The following GPR50 variants were observed in gnomAD, a reference collection of about 807,000 sequenced individuals.
GPR50 encodes melatonin-related receptor.
In GPR50, 1 loss-of-function variant was observed where a neutral mutation model predicts 2.6. That is an observed-to-expected ratio of 0.38 (90% CI 0.13 to 1.79). The LOEUF (loss-of-function observed/expected upper bound fraction) is 1.79. Ranked by LOEUF, GPR50 falls within the 40% of genes most tolerant of loss-of-function variation. The probability of loss-of-function intolerance (pLI) is 0.33; values close to 1 mark genes in which losing one functional copy is unlikely to be tolerated. For missense variants in GPR50, 535 were observed against 522.1 expected (o/e 1.02, Z -0.24); for synonymous variants, 233 against 202.3 (o/e 1.15, Z -1.29).
chrX:151,178,389 C>T (rs1046172521), intron 1 of GPR50, among the ~76,000 whole-genome samples: 5 of 112,940 alleles, frequency 4.4e-5, no homozygotes, highest in African/African-American at 1.6e-4. Context: ...GGTGCGGTCC[C>T]GAGGTGCAAA....
In GPR50 at chrX:151,180,856, TCCAAGCCTGCCTCTGGTCACC is replaced by T. The variant is rs745726180; in HGVS notation, c.1279_1299del (p.Pro427_Lys433del). Reference sequence around the variant, plus strand: ...TCACCTCAAGCCTGTCTCTGGCCACTCCAAGCCTGCCTCTGGTCACCCCAAGTCTGCCACTGTCTACCCTAA... The same window carrying T: ...TCACCTCAAGCCTGTCTCTGGCCACTCCAAGTCTGCCACTGTCTACCCTAA... On this transcript the variant is annotated inframe_deletion, in exon 2 of 2. Transcript: ENST00000218316. The T allele has an allele frequency of 3.0e-4, 359 of 1,208,308 alleles. 2 individuals carry two copies. The East Asian group carries it at 0.01, about 34-fold the overall frequency.
rs1436244848 is a variant in GPR50 at position 151,176,686 on chromosome X, G to A, written c.-36G>A. 9.5e-7 allele frequency: 1 copy of A among 1,053,525 alleles called. No individual in the cohort carries two copies. The allele number at this position is 1,053,525 out of a possible 1,213,427, so 86.8% of individuals were successfully genotyped here. On this transcript the variant is annotated 5_prime_UTR_variant, in exon 1 of 2. Coordinates refer to ENST00000218316, the MANE Select transcript of GPR50 (RefSeq NM_004224.3). ...GTCTGGACCTGGCTGCTGATCCTGA[G>A]CCTGCTGGGAGATCTTAACGATCCC... is the stretch of plus-strand genomic sequence containing the variant.
In GPR50 at chrX:151,179,771, G is replaced by A; in HGVS notation, c.188G>A (p.Gly63Asp). The change falls in exon 2 of 2, where the codon GGC becomes GAC. Residue 63 changes from glycine to aspartate, a missense_variant and splice_region_variant. Physicochemically the swap from Gly to Asp is moderately conservative, Grantham distance 94. Transcript: ENST00000218316. ...CTCCCTCCCTCGATATGTTTTTCAG[G>A]CAACATCTTCGTGGTCAGTCTCTCT... ...VTKNKKLRNSGNIFVVSLSVA... is the reference protein window; with the variant it reads ...VTKNKKLRNSDNIFVVSLSVA... 1.7e-6 allele frequency: 2 copies of A among 1,148,261 alleles called. No individual in the cohort carries two copies. The highest frequency in any genetic ancestry group is 4.1e-5 in the South Asian group (2 of 48,510). 94.6% of individuals were successfully genotyped at this position (1,148,261 alleles called of 1,213,427 possible). A position where few individuals can be genotyped will look rare whatever the true frequency, so the allele number is the denominator to read the frequency against.
chrX:151,177,834 C>A (rs1052304113), intron 1 of GPR50: 1 of 112,189 alleles, frequency 8.9e-6, no homozygotes, highest in Non-Finnish European at 1.9e-5. Flanking sequence ...GGCGGGACTT[C>A]CCCCGCTGCT....
At position 151,180,471 on chromosome X, in the gene GPR50, C is replaced by G. The variant is rs769893611; in HGVS notation, c.888C>G (p.Leu296=). Reference sequence around the variant, plus strand: ...GCCTCAACGCTGTGATCTACGGGCTCCTCAATGAGAATTTCCGAAGAGAAT... The same window carrying G: ...GCCTCAACGCTGTGATCTACGGGCTGCTCAATGAGAATTTCCGAAGAGAAT... ...NSCLNAVIYG[L]LNENFRREYW... is the part of the protein sequence containing the mutation. The change falls in exon 2 of 2, where the codon CTC becomes CTG. Residue 296 remains leucine (L), a synonymous_variant. Coordinates refer to ENST00000218316, the MANE Select transcript of GPR50 (RefSeq NM_004224.3). 1 of 1,210,949 alleles carries G rather than the reference C, an allele frequency of 8.3e-7. No homozygotes were observed. Among genetic ancestry groups the G allele is most frequent in the South Asian group, 1.8e-5 (1 of 56,916 alleles).
At chrX:151,179,660 G>C (rs1311434502) in intron 1 of GPR50, 111 bp from the exon 2 acceptor site, 1 of 500,982 alleles carries the variant, frequency 2.0e-6, no homozygotes, top group Non-Finnish European at 3.4e-6. Flanking sequence ...ATTATAAAAG[G>C]TCATAATCCA....
chrX:151,179,099 C>A (rs931076505), intron 1 of GPR50, among the ~76,000 whole-genome samples: 1 of 96,325 alleles, frequency 1.0e-5, no homozygotes, highest in African/African-American at 3.8e-5. Flanking sequence ...CCTCTCACTA[C>A]TTCTTTGGTC....
rs1319644027 is a variant in GPR50, at chrX:151,180,692, T to C, written c.1109T>C (p.Leu370Ser). Residue 370 changes from leucine (L) to serine (S), a missense_variant, in exon 2 of 2, where the codon TTA (leucine) becomes TCA (serine). By Grantham distance (145) the Leu-to-Ser change is moderately radical. Transcript: ENST00000218316. ...CCGATGAATGTCCGGAATGTTCCAT[T>C]ACCTGGTGATGCTGCAGCTGGCCAC... ...ETPMNVRNVP[L>S]PGDAAAGHPD... The C allele has an allele frequency of 1.7e-5, 21 of 1,209,376 alleles. No individual in the cohort carries two copies. The highest frequency in any genetic ancestry group is 2.2e-5 in the Non-Finnish European group (20 of 895,008).
rs747586113 is a variant in GPR50, at chrX:151,179,896, G to A, written c.313G>A (p.Gly105Arg). The A allele has an allele frequency of 1.1e-5, 13 of 1,208,940 alleles. No individual in the cohort carries two copies. The highest frequency in any genetic ancestry group is 1.1e-4 in the African/African-American group (6 of 56,823). ...GAGCCAGTTACAGTGCCAGATGGTC[G>A]GGTTCATCACAGGGCTGAGTGTGGT... is the stretch of plus-strand genomic sequence containing the variant. ...DLSQLQCQMV[G>R]FITGLSVVGS... The change falls in exon 2 of 2, where the codon GGG becomes AGG. Residue 105 changes from glycine to arginine, a missense_variant. Coordinates refer to ENST00000218316, the MANE Select transcript of GPR50 (RefSeq NM_004224.3).
downstream of GPR50, among the ~76,000 whole-genome samples, chrX:151,182,190 G>A (rs1435093690): frequency 8.9e-6 from 1 of 111,836 alleles, no homozygotes; most frequent in Non-Finnish European, 1.9e-5. Flanking sequence ...CAAATGATAA[G>A]ACGTTTTTAC....
In GPR50 at chrX:151,180,553, A is replaced by G; in HGVS notation, c.970A>G (p.Ser324Gly). 1 of 1,210,947 alleles carries G rather than the reference A, an allele frequency of 8.3e-7. No homozygotes were observed. Among genetic ancestry groups the G allele is most frequent in the Non-Finnish European group, 1.1e-6 (1 of 895,202 alleles). Reference sequence around the variant, plus strand: ...TATCATATTCTTCTCTGGCCTCATCAGTGATATTCGTGAGATGCAGGAGGC... The same window carrying G: ...TATCATATTCTTCTCTGGCCTCATCGGTGATATTCGTGAGATGCAGGAGGC... ...HPIIFFSGLI[S>G]DIREMQEART... Residue 324 changes from serine (S) to glycine (G), a missense_variant, in exon 2 of 2, where the codon AGT becomes GGT. Ser to Gly is a moderately conservative substitution (Grantham distance 56, BLOSUM62 0). Transcript: ENST00000218316.
chrX:151,177,511 G>A (rs1021945235), intron 1 of GPR50: 1 of 112,536 alleles, frequency 8.9e-6, no homozygotes, highest in East Asian at 2.8e-4. Flanking sequence ...CGAGCAGGGA[G>A]GTCTGAGCCC....
Position 151,180,794 on chromosome X carries a change from A to G in GPR50, c.1211A>G (p.His404Arg), listed in dbSNP as rs2048708654. ...TATCGCAAATCTGCCTCTACCCACC[A>G]CAAGTCTGTCTTTAGCCACTCCAAG... ...SAYRKSASTH[H>R]KSVFSHSKAA... Residue 404 changes from histidine to arginine, a missense_variant, in exon 2 of 2, where the codon CAC becomes CGC. His to Arg is a conservative substitution (Grantham distance 29). Coordinates refer to ENST00000218316, the MANE Select transcript of GPR50 (RefSeq NM_004224.3). 8.3e-7 allele frequency: 1 copy of G among 1,209,702 alleles called. No individual in the cohort carries two copies. Among genetic ancestry groups the G allele is most frequent in the Non-Finnish European group, 1.1e-6 (1 of 894,831 alleles).
Position 151,179,174 on chromosome X carries a change from C to T in GPR50, c.188-597C>T, listed in dbSNP as rs533241612. On this transcript the variant is annotated intron_variant, in intron 1 of 1. Transcript: ENST00000218316. The stretch of plus-strand genomic sequence containing the variant: ...TTTTCACTCTTAGGTTACCTCGGAA[C>T]GGTAAGTATTTGACTTGGCAAGGTT... Among the ~76,000 whole-genome samples, 12 of 106,952 alleles carry T rather than the reference C, an allele frequency of 1.1e-4. No homozygotes were observed. In the South Asian group the frequency reaches 4.8e-3, roughly 42 times the overall value. 92.9% of individuals were successfully genotyped at this position (106,952 alleles called of 115,157 possible).
In GPR50 at chrX:151,180,815, CCAAGGCTGCCTCTGGTCACCT is replaced by C; in HGVS notation, c.1237_1257del (p.Ala413_Lys419del). ...CACCACAAGTCTGTCTTTAGCCACTCCAAGGCTGCCTCTGGTCACCTCAAGCCTGTCTCTGGCCACTCCAAG... is the reference window on the plus strand; with the variant it reads ...CACCACAAGTCTGTCTTTAGCCACTCCAAGCCTGTCTCTGGCCACTCCAAG... On this transcript the variant is annotated inframe_deletion, in exon 2 of 2. Coordinates refer to ENST00000218316, the MANE Select transcript of GPR50 (RefSeq NM_004224.3). 1 of 1,211,024 alleles carries C rather than the reference CCAAGGCTGCCTCTGGTCACCT, an allele frequency of 8.3e-7. No homozygotes were observed. The highest frequency in any genetic ancestry group is 1.1e-6 in the Non-Finnish European group (1 of 895,131).
chrX:151,179,493 C>T (rs903869489), intron 1 of GPR50, among the ~76,000 whole-genome samples: 10 of 110,253 alleles, frequency 9.1e-5, no homozygotes, highest in African/African-American at 3.3e-4. Context: ...CTCCCCCTCA[C>T]CTCCAGTGAA....
Position 151,180,755 on chromosome X carries a change from G to T in GPR50, c.1172G>T (p.Arg391Ile). Residue 391 changes from arginine (R) to isoleucine (I), a missense_variant, in exon 2 of 2, where the codon AGA (arginine) becomes ATA (isoleucine). Physicochemically the swap from Arg to Ile is moderately conservative, Grantham distance 97 (BLOSUM62 -3). Coordinates refer to ENST00000218316, the MANE Select transcript of GPR50 (RefSeq NM_004224.3). The part of the protein sequence containing the change: ...RASGHPKPHS[R>I]SSSAYRKSAS... ...TCTGGCCACCCTAAGCCCCATTCCA[G>T]ATCCTCCTCTGCCTATCGCAAATCT... The T allele has an allele frequency of 8.3e-7, 1 of 1,209,741 alleles. No homozygotes were observed. The highest frequency in any genetic ancestry group is 1.8e-5 in the South Asian group (1 of 56,869).
intron 1 of GPR50, chrX:151,177,458 G>T (rs2124115557): frequency 8.8e-6 from 1 of 113,046 alleles, no homozygotes; most frequent in South Asian, 3.5e-4. Flanking sequence ...CGGCTCCCGG[G>T]CAGATCCCGG....
rs750707900 is a variant in GPR50 at position 151,179,858 on chromosome X, G to A, written c.275G>A (p.Gly92Glu). ...YPLMLHAMSI[G>E]GWDLSQLQCQ... ...TTGATGCTGCATGCCATGTCCATTG[G>A]GGGCTGGGATCTGAGCCAGTTACAG... The change falls in exon 2 of 2, where the codon GGG becomes GAG. Residue 92 changes from glycine (G) to glutamate (E), a missense_variant. Coordinates refer to ENST00000218316, the MANE Select transcript of GPR50 (RefSeq NM_004224.3). The A allele has an allele frequency of 1.7e-6, 2 of 1,210,055 alleles. No individual in the cohort carries two copies. The highest frequency in any genetic ancestry group is 4.3e-5 in the Admixed American group (2 of 46,009).
Sources: allele counts gnomAD v4.1 joint callset (sites outside exome capture counted in the v4.1 genomes callset), GRCh38; gene constraint gnomAD v4.1.1; transcripts MANE v1.5; gene names NCBI Gene and HGNC (gene_info 2026-07-23, HGNC 2026-07-21).